DCN: variants seen among roughly 807,000 people sequenced by gnomAD.
DCN encodes the protein bone proteoglycan II.
Under a neutral mutation model 36.5 loss-of-function variants are expected in DCN, and 17 were observed. The ratio of observed to expected loss-of-function variants is 0.47; its 90% CI spans 0.32 to 0.70. DCN has a LOEUF of 0.70. Ranked by LOEUF, DCN falls within the 30% of genes least tolerant of loss-of-function variation. The pLI, the probability that DCN is intolerant of heterozygous loss-of-function variation, is 0.04. For synonymous variants in DCN, 163 were observed against 161.4 expected, an observed-to-expected ratio of 1.01 and a Z score of -0.07; for missense variants, 389 against 430.1, an observed-to-expected ratio of 0.90 and a Z score of 0.84.
chr12:91,165,668 T>C (rs1205468112), intron 2 of DCN, among the ~76,000 whole-genome samples: 1 of 152,146 alleles, frequency 6.6e-6, no homozygotes, highest in African/African-American at 2.4e-5. Flanking sequence ...AAATTTGATA[T>C]TCTATTAACT....
rs367702282 is a variant in DCN at position 91,170,759 on chromosome 12, C to G, written c.212-6042G>C. Among the ~76,000 whole-genome samples, 33 of 152,288 alleles carry G rather than the reference C, an allele frequency of 2.2e-4. 1 individual carries two copies. The highest frequency in any genetic ancestry group is 7.7e-4 in the African/African-American group (32 of 41,548). ...TAGCATTCCTCAGGCTCCATTTCCTCATCTGAAAACACCAAGCCGGAAGTA... is the reference window on the plus strand; with the variant it reads ...TAGCATTCCTCAGGCTCCATTTCCTGATCTGAAAACACCAAGCCGGAAGTA... On this transcript the variant is annotated intron_variant, in intron 2 of 7. Transcript: ENST00000052754.
chr12:91,146,281 A>G, intron 7 of DCN, 29 bp from the exon 8 acceptor site: 1 of 1,382,092 alleles, frequency 7.2e-7, no homozygotes, highest in East Asian at 2.3e-5. Flanking sequence ...GAAAATAATT[A>G]TTATTCTCTA....
chr12:91,163,942 A>G (rs980716370), intron 3 of DCN, among the ~76,000 whole-genome samples: 4 of 152,196 alleles, frequency 2.6e-5, no homozygotes, highest in African/African-American at 9.6e-5. Context: ...AATTTGAAAG[A>G]CAATTTTTAT....
At chr12:91,151,829 C>T in intron 6 of DCN, 37 bp from the exon 7 acceptor site, 1 of 1,612,642 alleles carries the variant, frequency 6.2e-7, no homozygotes, top group Non-Finnish European at 8.5e-7. Context: ...AAACACCACA[C>T]ATGGATGCCT....
At chr12:91,159,638 T>C (rs1882033869) in intron 3 of DCN, among the ~76,000 whole-genome samples, 1 of 152,046 alleles carries the variant, frequency 6.6e-6, no homozygotes, top group Non-Finnish European at 1.5e-5. Flanking sequence ...AATACGTTAA[T>C]ATTTTGGGTA....
intron 7 of DCN, chr12:91,150,996 G>GA (rs1881371413): frequency 6.5e-6 from 1 of 152,692 alleles, no homozygotes; most frequent in Admixed American, 6.5e-5. Flanking sequence ...CACAGGAACA[G>GA]AAAACCAAAT....
intron 1 of DCN, among the ~76,000 whole-genome samples, chr12:91,181,233 T>C (rs1766550140): frequency 6.6e-6 from 1 of 151,842 alleles, no homozygotes; most frequent in Admixed American, 6.6e-5. Context: ...TAACCCTGAC[T>C]GTACTGTGAA....
rs376637290 is a variant in DCN at position 91,153,084 on chromosome 12, G to T, written c.746+12C>A. On this transcript the variant is annotated intron_variant, in intron 6 of 7. Coordinates refer to ENST00000052754, the MANE Select transcript of DCN (RefSeq NM_001920.5). ...ATTGTTCTGATAGAATGTCATGAAA[G>T]AATATTATTACTTAGCCAAATTATT... 9.2e-6 allele frequency: 13 copies of T among 1,414,434 alleles called. No individual in the cohort carries two copies. The African/African-American group carries it at 1.4e-4, about 15-fold the overall frequency. 87.6% of individuals were successfully genotyped at this position (1,414,434 alleles called of 1,614,324 possible).
At position 91,140,910 on chromosome 12, in the gene DCN, C is replaced by T. The variant is rs529749169; in HGVS notation, c.*5148G>A. 1 of 152,340 alleles carries T rather than the reference C, an allele frequency of 6.6e-6. No individual in the cohort carries two copies. The highest frequency in any genetic ancestry group is 1.9e-4 in the East Asian group (1 of 5,184). The allele number at this position is 152,340 out of a possible 1,614,324, so 9.4% of individuals were successfully genotyped here. On this transcript the variant is annotated 3_prime_UTR_variant, in exon 8 of 8. Coordinates refer to ENST00000052754, the MANE Select transcript of DCN (RefSeq NM_001920.5). The stretch of plus-strand genomic sequence containing the variant: ...ATCTCTGTTTCTTTTCTTTCTCTCT[C>T]ATGCCCCATCTGATCATTCAGCCAT...
At chr12:91,157,001 C>A in intron 5 of DCN, 74 bp downstream of exon 5, 1 of 1,103,272 alleles carries the variant, frequency 9.1e-7, no homozygotes, top group East Asian at 2.4e-5. Flanking sequence ...TTCCAGTTTC[C>A]ACAAGATTTT....
intron 2 of DCN, chr12:91,172,829 T>C (rs1018599394): frequency 3.0e-6 from 2 of 676,594 alleles, no homozygotes; most frequent in Admixed American, 4.4e-5. Context: ...GTTTGTTGTG[T>C]AGAGGTTGTA....
Position 91,151,721 on chromosome 12 carries a change from T to C in DCN, c.818A>G (p.Glu273Gly), listed in dbSNP as rs987059631. Residue 273 changes from glutamate to glycine, a missense_variant, in exon 7 of 8, where the codon GAG becomes GGG. Coordinates refer to ENST00000052754, the MANE Select transcript of DCN (RefSeq NM_001920.5). Reference sequence around the variant, plus strand: ...AAGCTTGTTGTTGTCCAAGTGAAGCTCCCTCAGATGAGGCGTGTTGGCCAG... The same window carrying C: ...AAGCTTGTTGTTGTCCAAGTGAAGCCCCCTCAGATGAGGCGTGTTGGCCAG... ...GSLANTPHLR[E>G]LHLDNNKLTR... 6.2e-7 allele frequency: 1 copy of C among 1,614,040 alleles called. No homozygotes were observed. Among genetic ancestry groups the C allele is most frequent in the African/African-American group, 1.3e-5 (1 of 75,016 alleles).
Position 91,181,899 on chromosome 12 carries a change from C to A in DCN, c.-34+756G>T, listed in dbSNP as rs193271467. ...GCTCTTTTCTGGTTAGAAACAGCAA[C>A]AGGAAAAAAAAAAGCCACAGGTATT... is the stretch of plus-strand genomic sequence containing the variant. On this transcript the variant is annotated intron_variant, in intron 1 of 7. Transcript: ENST00000052754. Among the ~76,000 whole-genome samples the A allele has an allele frequency of 2.7e-3, 379 of 142,530 alleles. 1 individual carries two copies. The highest frequency in any genetic ancestry group is 0.01 in the African/African-American group (356 of 33,988). 93.5% of individuals were successfully genotyped at this position (142,530 alleles called of 152,430 possible). A position where few individuals can be genotyped will look rare whatever the true frequency, so the allele number is the denominator to read the frequency against.
intron 3 of DCN, among the ~76,000 whole-genome samples, chr12:91,162,291 A>C (rs1041080020): frequency 3.3e-5 from 5 of 152,014 alleles, no homozygotes; most frequent in African/African-American, 1.2e-4. Flanking sequence ...TTTAGAAAAA[A>C]ATTTTTCTTC....
intron 2 of DCN, among the ~76,000 whole-genome samples, chr12:91,173,391 G>A (rs1883096051): frequency 6.6e-6 from 1 of 152,082 alleles, no homozygotes; most frequent in African/African-American, 2.4e-5. Flanking sequence ...TGTCATTCAG[G>A]TCAGGGAGAC....
intron 7 of DCN, among the ~76,000 whole-genome samples, chr12:91,146,706 C>T (rs1028853367): frequency 6.6e-6 from 1 of 152,152 alleles, no homozygotes; most frequent in East Asian, 1.9e-4. Flanking sequence ...TTCTCCCTTC[C>T]TTTTGAAAAT....
intron 1 of DCN, among the ~76,000 whole-genome samples, chr12:91,182,135 T>A (rs1423048374): frequency 6.6e-6 from 1 of 152,142 alleles, no homozygotes; most frequent in Non-Finnish European, 1.5e-5. Flanking sequence ...ATGTTTATTT[T>A]CACTTCTCTG....
At chr12:91,172,584 ATTT>A in intron 2 of DCN, 1 of 465,620 alleles carries the variant, frequency 2.1e-6, no homozygotes, top group Non-Finnish European at 3.8e-6. Flanking sequence ...AACTCAAGGA[ATTT>A]CTAAGCTTCC....
In DCN at chr12:91,151,233, C is replaced by A. The variant is rs142161735; in HGVS notation, c.885+421G>T. On this transcript the variant is annotated intron_variant, in intron 7 of 7. Transcript: ENST00000052754. ...GAGGAAATAAAGAAAAATGATGAGGCCATGTCAAAAAGAATCAGGAGCTAG... is the reference window on the plus strand; with the variant it reads ...GAGGAAATAAAGAAAAATGATGAGGACATGTCAAAAAGAATCAGGAGCTAG... 478 of 203,644 alleles carry A rather than the reference C, an allele frequency of 2.3e-3. 2 individuals carry two copies. Among genetic ancestry groups the A allele is most frequent in the Admixed American group, 0.017 (319 of 18,474 alleles). 12.6% of individuals were successfully genotyped at this position (203,644 alleles called of 1,614,324 possible). A position where few individuals can be genotyped will look rare whatever the true frequency, so the allele number is the denominator to read the frequency against.
Sources: allele counts gnomAD v4.1 joint callset (sites outside exome capture counted in the v4.1 genomes callset), GRCh38; gene constraint gnomAD v4.1.1; transcripts MANE v1.5; gene names NCBI Gene and HGNC (gene_info 2026-07-23, HGNC 2026-07-21).